Variants in BNC2 observed in about 807,000 individuals in gnomAD.
BNC2 encodes basonuclin zinc finger protein 2.
Under a neutral mutation model 76.3 loss-of-function variants are expected in BNC2, and 20 were observed. The observed-to-expected ratio is 0.26, with a 90% CI of 0.18 to 0.38. BNC2 has a LOEUF of 0.38. Among genes scored for constraint, BNC2 ranks in the 10% least tolerant of loss-of-function variants. BNC2 has a pLI of 1.00. For missense variants in BNC2, 1,382 were observed against 1,399.8 expected, an observed-to-expected ratio of 0.99 and a Z score of 0.20; for synonymous variants, 582 against 514.8, an observed-to-expected ratio of 1.13 and a Z score of -1.77.
In BNC2 at chr9:16,678,267, CTTTTTTTTTT is replaced by C. The variant is rs140809930; in HGVS notation, c.330+49520_330+49529del. Among the ~76,000 whole-genome samples, 15 of 80,736 alleles carry C rather than the reference CTTTTTTTTTT, an allele frequency of 1.9e-4. 1 individual carries two copies. Among genetic ancestry groups the C allele is most frequent in the East Asian group, 1.1e-3 (3 of 2,612 alleles). 53.0% of individuals were successfully genotyped at this position (80,736 alleles called of 152,430 possible). A position where few individuals can be genotyped will look rare whatever the true frequency, so the allele number is the denominator to read the frequency against. On this transcript the variant is annotated intron_variant, in intron 3 of 6. Transcript: ENST00000380672. ...ACTTGTAACTGTTTTCTTTCTTTTTCTTTTTTTTTTTTTTTTTTTTTTTTTTTTTGAGACA... is the reference window on the plus strand; with the variant it reads ...ACTTGTAACTGTTTTCTTTCTTTTTCTTTTTTTTTTTTTTTTTTTGAGACA...
At chr9:16,421,347 AAG>A in intron 6 of BNC2, 1 of 1,166,424 alleles carries the variant, frequency 8.6e-7, no homozygotes, top group Non-Finnish European at 1.1e-6. Context: ...GAGAGAAAGA[AAG>A]AGAAAGAGAG....
At chr9:16,424,642 T>G (rs1286283670) in intron 6 of BNC2, among the ~76,000 whole-genome samples, 2 of 152,124 alleles carry the variant, frequency 1.3e-5, no homozygotes, top group Non-Finnish European at 2.9e-5. Context: ...TGTACATATA[T>G]GTATATGGGG....
At chr9:16,593,182 A>C (rs915723352) in intron 3 of BNC2, among the ~76,000 whole-genome samples, 4 of 152,156 alleles carry the variant, frequency 2.6e-5, no homozygotes, top group Non-Finnish European at 5.9e-5. Context: ...TTATTTCAGC[A>C]AAAGCCAAGA....
chr9:16,640,993 G>C (rs553202691), intron 3 of BNC2, among the ~76,000 whole-genome samples: 3 of 152,224 alleles, frequency 2.0e-5, no homozygotes, highest in Non-Finnish European at 4.4e-5. Context: ...AGCATTTACA[G>C]ATGTGCCAGG....
At chr9:16,861,772 G>C (rs573269308) in intron 1 of BNC2, among the ~76,000 whole-genome samples, 3 of 152,132 alleles carry the variant, frequency 2.0e-5, no homozygotes, top group African/African-American at 7.2e-5. Context: ...GGAGGATGAC[G>C]AGGTCAGGAG....
At chr9:16,789,503 G>C (rs924156553) in intron 1 of BNC2, among the ~76,000 whole-genome samples, 1 of 152,062 alleles carries the variant, frequency 6.6e-6, no homozygotes. Flanking sequence ...AAAATGTCCT[G>C]TGCTTTCCAT....
intron 1 of BNC2, among the ~76,000 whole-genome samples, chr9:16,758,265 T>G (rs961164316): frequency 6.6e-6 from 1 of 152,210 alleles, no homozygotes; most frequent in Non-Finnish European, 1.5e-5. Context: ...GTGATTAGAC[T>G]GGGTCCACCT....
chr9:16,563,468 T>A (rs1819075814), intron 4 of BNC2, among the ~76,000 whole-genome samples: 1 of 151,870 alleles, frequency 6.6e-6, no homozygotes, highest in East Asian at 1.9e-4. Context: ...AAAAAAAAAA[T>A]TATAAATCAT....
At chr9:16,728,342 C>A in intron 2 of BNC2, 1 of 394,516 alleles carries the variant, frequency 2.5e-6, no homozygotes, top group Non-Finnish European at 4.8e-6. Flanking sequence ...CAAATGACAC[C>A]CTGCACTAAC....
At chr9:16,519,443 G>C (rs1817547708) in intron 5 of BNC2, among the ~76,000 whole-genome samples, 1 of 152,196 alleles carries the variant, frequency 6.6e-6, no homozygotes, top group Non-Finnish European at 1.5e-5. Flanking sequence ...GTAGAGATGT[G>C]TTCCTTTGGA....
chr9:16,498,296 C>CATAT (rs150566244), intron 5 of BNC2, among the ~76,000 whole-genome samples: 3,319 of 102,184 alleles, frequency 0.032, 232 homozygotes, highest in African/African-American at 0.088. Context: ...TATATTCCAT[C>CATAT]ATATATATAT....
rs182942074 is a variant in BNC2 at position 16,808,534 on chromosome 9, G to A, written c.3+62112C>T. Among the ~76,000 whole-genome samples, 471 of 123,566 alleles carry A rather than the reference G, an allele frequency of 3.8e-3. 2 individuals are homozygous for A. Among genetic ancestry groups the A allele is most frequent in the African/African-American group, 0.012 (417 of 34,484 alleles). The allele number at this position is 123,566 out of a possible 152,430, so 81.1% of individuals were successfully genotyped here. On this transcript the variant is annotated intron_variant, in intron 1 of 6. Coordinates refer to ENST00000380672, the MANE Select transcript of BNC2 (RefSeq NM_017637.6). ...GACAGAGTCTCATTCTGTCACCATG[G>A]CTGTACTGCAGTGGTGTGACCACGG...
Position 16,418,873 on chromosome 9 carries a change from GCACACA to G in BNC2, c.*110_*115del, listed in dbSNP as rs3223265. 2.2e-4 allele frequency: 197 copies of G among 880,922 alleles called. 1 individual carries two copies. The highest frequency in any genetic ancestry group is 5.6e-4 in the Middle Eastern group (2 of 3,592). 54.6% of individuals were successfully genotyped at this position (880,922 alleles called of 1,614,324 possible). ...ATGTAGCCACAGAGCATACATAAAT[GCACACA>G]CACACACACACACACACACACCCCA... On this transcript the variant is annotated 3_prime_UTR_variant, in exon 7 of 7. Transcript: ENST00000380672.
intron 4 of BNC2, among the ~76,000 whole-genome samples, chr9:16,563,951 T>C (rs549934028): frequency 2.0e-5 from 3 of 152,308 alleles, no homozygotes; most frequent in African/African-American, 7.2e-5. Context: ...GTGATGACAG[T>C]TTTTAAAATA....
chr9:16,739,382 A>G (rs1270841792), intron 1 of BNC2, among the ~76,000 whole-genome samples: 1 of 152,230 alleles, frequency 6.6e-6, no homozygotes, highest in Non-Finnish European at 1.5e-5. Context: ...GAAGACATTA[A>G]AATAGGCCGG....
At chr9:16,801,790 A>G (rs1817789019) in intron 1 of BNC2, among the ~76,000 whole-genome samples, 1 of 151,864 alleles carries the variant, frequency 6.6e-6, no homozygotes, top group African/African-American at 2.4e-5. Context: ...CTGTAAGTTA[A>G]TTAATTGAAA....
intron 5 of BNC2, among the ~76,000 whole-genome samples, chr9:16,495,618 C>G (rs185849153): frequency 2.6e-5 from 4 of 152,326 alleles, no homozygotes; most frequent in Admixed American, 2.6e-4. Context: ...TGGCTCACCA[C>G]GGCCAAGCCA....
intron 1 of BNC2, among the ~76,000 whole-genome samples, chr9:16,800,194 C>G (rs1319852385): frequency 6.7e-6 from 1 of 148,590 alleles, no homozygotes; most frequent in African/African-American, 2.5e-5. Context: ...CACTGCACGC[C>G]AGCCTGGGTG....
rs569291073 is a variant in BNC2, at chr9:16,619,656, T to A, written c.331-36571A>T. Among the ~76,000 whole-genome samples, 6 of 152,306 alleles carry A rather than the reference T, an allele frequency of 3.9e-5. 1 individual carries two copies. In the South Asian group the frequency reaches 1.0e-3, roughly 26 times the overall value. On this transcript the variant is annotated intron_variant, in intron 3 of 6. Transcript: ENST00000380672. ...ATAGCACCATACCAGTTATTTCAAC[T>A]GAGCTGACACAATGAATTTCAAATG...
Sources: gnomAD v4.1 joint callset for allele counts (sites outside exome capture counted in the v4.1 genomes callset) on GRCh38, gnomAD v4.1.1 for gene constraint, MANE v1.5 for transcripts, NCBI Gene and HGNC (gene_info 2026-07-23, HGNC 2026-07-21) for gene names.